The following TAFA1 variants were observed in gnomAD, a reference collection of about 807,000 sequenced individuals.
TAFA1 encodes TAFA chemokine like family member 1.
Under a neutral mutation model 18.5 loss-of-function variants are expected in TAFA1, and 4 were observed. The ratio of observed to expected loss-of-function variants is 0.22; its 90% CI spans 0.11 to 0.49. TAFA1 has a LOEUF of 0.49. Ranked by LOEUF, TAFA1 falls within the 20% of genes least tolerant of loss-of-function variation. TAFA1 has a pLI of 0.98. For missense variants in TAFA1, 147 were observed against 169.0 expected, an observed-to-expected ratio of 0.87 and a Z score of 0.72; for synonymous variants, 56 against 55.2, an observed-to-expected ratio of 1.01 and a Z score of -0.06.
chr3:68,087,816 G>A (rs2064989001), intron 2 of TAFA1, among the ~76,000 whole-genome samples: 1 of 151,820 alleles, frequency 6.6e-6, no homozygotes, highest in Non-Finnish European at 1.5e-5. Context: ...AATGTCCCCT[G>A]AATTATATAT....
intron 3 of TAFA1, among the ~76,000 whole-genome samples, chr3:68,521,579 A>G (rs2106751731): frequency 6.6e-6 from 1 of 152,302 alleles, no homozygotes; most frequent in African/African-American, 2.4e-5. Flanking sequence ...AGGAAGACTT[A>G]AGTTTGGTTT....
intron 2 of TAFA1, among the ~76,000 whole-genome samples, chr3:68,385,576 A>C (rs2070081427): frequency 1.3e-5 from 2 of 152,068 alleles, no homozygotes; most frequent in South Asian, 4.1e-4. Context: ...AGACTGAATA[A>C]ATCCGCATGA....
chr3:68,459,872 G>A lies in TAFA1; in HGVS notation c.259+42452G>A, dbSNP rs1237096274. On this transcript the variant is annotated intron_variant, in intron 3 of 4. Transcript: ENST00000478136. ...CTGAAGCTCTAGAAACTATAATAAAGATGTTGTGCTTTTTACCCTTAAACT... is the reference window on the plus strand; with the variant it reads ...CTGAAGCTCTAGAAACTATAATAAAAATGTTGTGCTTTTTACCCTTAAACT... Among the ~76,000 whole-genome samples the A allele has an allele frequency of 2.0e-5, 3 of 152,176 alleles. No homozygotes were observed. The East Asian group carries it at 5.8e-4, about 29-fold the overall frequency.
chr3:68,146,562 G>A (rs1327320145), intron 2 of TAFA1, among the ~76,000 whole-genome samples: 1 of 152,116 alleles, frequency 6.6e-6, no homozygotes. Context: ...CATAATGCAT[G>A]GATGTATTAA....
intron 3 of TAFA1, among the ~76,000 whole-genome samples, chr3:68,420,853 C>A (rs891308776): frequency 6.6e-6 from 1 of 152,132 alleles, no homozygotes; most frequent in African/African-American, 2.4e-5. Context: ...ACAGTGAGCA[C>A]CTCTAATGCA....
intron 2 of TAFA1, among the ~76,000 whole-genome samples, chr3:68,328,606 C>T (rs1286693285): frequency 6.6e-6 from 1 of 152,160 alleles, no homozygotes; most frequent in Non-Finnish European, 1.5e-5. Context: ...CATAAACTAG[C>T]AGGCTAACGT....
intron 3 of TAFA1, among the ~76,000 whole-genome samples, chr3:68,452,729 G>A (rs1037542390): frequency 3.3e-5 from 5 of 152,146 alleles, no homozygotes; most frequent in Admixed American, 2.6e-4. Flanking sequence ...GGGCATGTGT[G>A]AAATTGATTG....
intron 4 of TAFA1, among the ~76,000 whole-genome samples, chr3:68,543,581 A>T (rs1406877175): frequency 1.3e-5 from 2 of 152,056 alleles, no homozygotes; most frequent in Non-Finnish European, 2.9e-5. Flanking sequence ...ACACAAATCC[A>T]CCTGCCTAAC....
At chr3:68,125,523 C>A (rs2065453657) in intron 2 of TAFA1, among the ~76,000 whole-genome samples, 1 of 152,202 alleles carries the variant, frequency 6.6e-6, no homozygotes, top group Non-Finnish European at 1.5e-5. Context: ...GAGAGAGACA[C>A]AGCCCCTGCC....
chr3:68,122,196 TA>T (rs202013049), intron 2 of TAFA1, among the ~76,000 whole-genome samples: 11,599 of 151,924 alleles, frequency 0.076, 517 homozygotes, highest in Middle Eastern at 0.12. Flanking sequence ...GTTCTTTATA[TA>T]TTTTTTTTAA....
rs547957807 is a variant in TAFA1 at position 68,058,239 on chromosome 3, C to A, written c.118+51495C>A. On this transcript the variant is annotated intron_variant, in intron 2 of 4. Coordinates refer to ENST00000478136, the MANE Select transcript of TAFA1 (RefSeq NM_213609.4). The stretch of plus-strand genomic sequence containing the variant: ...ATGCAACAACTTTAAGGCTTGGTTT[C>A]CTCATCTGTAAGATGGGGGAAATAA... 7.9e-5 allele frequency among the ~76,000 whole-genome samples: 12 copies of A among 152,240 alleles called. No homozygotes were observed. The East Asian group carries it at 2.3e-3, about 29-fold the overall frequency.
At chr3:68,267,574 A>T (rs865890435) in intron 2 of TAFA1, among the ~76,000 whole-genome samples, 1 of 152,116 alleles carries the variant, frequency 6.6e-6, no homozygotes, top group Non-Finnish European at 1.5e-5. Flanking sequence ...TGTGCAGGGA[A>T]TTTTTGGAGA....
chr3:68,075,665 A>G (rs1396255747), intron 2 of TAFA1, among the ~76,000 whole-genome samples: 2 of 150,968 alleles, frequency 1.3e-5, no homozygotes, highest in Non-Finnish European at 3.0e-5. Context: ...ACTACTGGTG[A>G]TGGACCAAGA....
intron 3 of TAFA1, among the ~76,000 whole-genome samples, chr3:68,529,829 A>G (rs2106770924): frequency 6.6e-6 from 1 of 152,322 alleles, no homozygotes; most frequent in African/African-American, 2.4e-5. Context: ...GATCCACCCG[A>G]TAACTCAAAT....
chr3:68,494,862 G>C lies in TAFA1; in HGVS notation c.260-43894G>C, dbSNP rs1382016166. Among the ~76,000 whole-genome samples the C allele has an allele frequency of 3.3e-5, 5 of 152,308 alleles. No homozygotes were observed. The East Asian group carries it at 9.6e-4, about 29-fold the overall frequency. On this transcript the variant is annotated intron_variant, in intron 3 of 4. Transcript: ENST00000478136. ...TAAAATAGTGCCTGGCACAAATAAT[G>C]TGCTTTAAAAATGATCAATTTTGTT...
intron 2 of TAFA1, among the ~76,000 whole-genome samples, chr3:68,380,182 G>A (rs983660634): frequency 1.3e-5 from 2 of 152,092 alleles, no homozygotes; most frequent in Non-Finnish European, 2.9e-5. Context: ...GGACATTTGG[G>A]TTGGTTCCAA....
At chr3:68,030,837 G>T (rs530879768) in intron 2 of TAFA1, among the ~76,000 whole-genome samples, 2 of 152,218 alleles carry the variant, frequency 1.3e-5, no homozygotes, top group Admixed American at 6.5e-5. Flanking sequence ...TGCCTGAGAG[G>T]TTTCCCAGAA....
intron 2 of TAFA1, among the ~76,000 whole-genome samples, chr3:68,125,229 G>C (rs2065450274): frequency 6.6e-6 from 1 of 152,148 alleles, no homozygotes; most frequent in Admixed American, 6.5e-5. Context: ...TAGTTGCCTT[G>C]TCTGTAAAGT....
intron 2 of TAFA1, among the ~76,000 whole-genome samples, chr3:68,392,176 C>CAAAA (rs57440480): frequency 1.9e-4 from 21 of 109,298 alleles, no homozygotes; most frequent in African/African-American, 3.8e-4. Context: ...TTTAGGAAAG[C>CAAAA]AAAAAAAAAA....
Sources: gnomAD v4.1 joint callset for allele counts (sites outside exome capture counted in the v4.1 genomes callset) on GRCh38, gnomAD v4.1.1 for gene constraint, MANE v1.5 for transcripts, NCBI Gene and HGNC (gene_info 2026-07-23, HGNC 2026-07-21) for gene names.